OPRM1: variants seen among roughly 807,000 people sequenced by gnomAD.
OPRM1 encodes opioid receptor mu 1, also known as mu-type opioid receptor.
A neutral mutation model predicts 31.8 loss-of-function variants in OPRM1; 27 were observed. The ratio of observed to expected loss-of-function variants is 0.85; its 90% CI spans 0.63 to 1.17. The LOEUF is 1.17. OPRM1 is among the 50% of genes most tolerant of loss of function. The pLI is 0.00. For synonymous variants in OPRM1, 196 were observed against 189.9 expected, an observed-to-expected ratio of 1.03 and a Z score of -0.26; for missense variants, 536 against 511.1, an observed-to-expected ratio of 1.05 and a Z score of -0.47.
At chr6:154,012,392 A>G (rs534270868) in intron 1 of OPRM1, among the ~76,000 whole-genome samples, 2 of 152,206 alleles carry the variant, frequency 1.3e-5, no homozygotes, top group East Asian at 3.9e-4. Context: ...TTCCTTTAAG[A>G]TCTATTGGGC....
chr6:154,010,903 C>A, exon 1 of OPRM1: 1 of 1,315,494 alleles, frequency 7.6e-7, no homozygotes, highest in Non-Finnish European at 9.9e-7. Flanking sequence ...GAAGGACCAG[C>A]CCTTACATCC....
intron 1 of OPRM1, among the ~76,000 whole-genome samples, chr6:154,085,175 G>A (rs894034680): frequency 6.6e-6 from 1 of 152,220 alleles, no homozygotes; most frequent in South Asian, 2.1e-4. Context: ...GGAGAAATGT[G>A]TGAAGAATAG....
chr6:154,211,737 A>G (rs1000053465), intron 3 of OPRM1, among the ~76,000 whole-genome samples: 1 of 152,240 alleles, frequency 6.6e-6, no homozygotes, highest in Non-Finnish European at 1.5e-5. Flanking sequence ...TTCACTTTTA[A>G]TAGGTTGGTG....
At chr6:154,150,986 C>G (rs565521814) in intron 3 of OPRM1, among the ~76,000 whole-genome samples, 1 of 152,362 alleles carries the variant, frequency 6.6e-6, no homozygotes, top group African/African-American at 2.4e-5. Flanking sequence ...CTTTCCCCCA[C>G]GCCTGTCAAA....
chr6:154,178,074 G>C (rs1414851663), intron 3 of OPRM1, among the ~76,000 whole-genome samples: 3 of 151,198 alleles, frequency 2.0e-5, no homozygotes, highest in Non-Finnish European at 4.4e-5. Flanking sequence ...TCACTCATAA[G>C]TGGGAGTTGA....
intron 3 of OPRM1, among the ~76,000 whole-genome samples, chr6:154,170,164 G>A (rs892409441): frequency 3.9e-4 from 59 of 152,242 alleles, no homozygotes; most frequent in African/African-American, 1.3e-3. Context: ...CACTAAGAAC[G>A]TTAGTCTATT....
In OPRM1 at chr6:154,091,028, C is replaced by T; in HGVS notation, c.720C>T (p.Ile240=). The T allele has an allele frequency of 6.2e-7, 1 of 1,614,174 alleles. No individual in the cohort carries two copies. Among genetic ancestry groups the T allele is most frequent in the East Asian group, 2.2e-5 (1 of 44,886 alleles). The part of the protein sequence containing the change: ...WENLLKICVF[I]FAFIMPVLII... ...ACCTGCTGAAGATCTGTGTTTTCATCTTCGCCTTCATTATGCCAGTGCTCA... is the reference window on the plus strand; with the variant it reads ...ACCTGCTGAAGATCTGTGTTTTCATTTTCGCCTTCATTATGCCAGTGCTCA... Residue 240 remains isoleucine (I), a synonymous_variant, in exon 3 of 4, where the codon ATC becomes ATT. Coordinates refer to ENST00000330432, the MANE Select transcript of OPRM1 (RefSeq NM_000914.5).
intron 1 of OPRM1, among the ~76,000 whole-genome samples, chr6:154,057,443 C>T (rs1433935796): frequency 6.6e-6 from 1 of 152,140 alleles, no homozygotes; most frequent in Non-Finnish European, 1.5e-5. Flanking sequence ...ACACTGTTCT[C>T]AAGGTTTATT....
intron 1 of OPRM1, among the ~76,000 whole-genome samples, chr6:154,021,976 A>T (rs1421378199): frequency 6.6e-6 from 1 of 152,080 alleles, no homozygotes; most frequent in Non-Finnish European, 1.5e-5. Flanking sequence ...GTCTTATTGC[A>T]TTAGCTAGGA....
chr6:154,230,124 T>C (rs918620707), intron 3 of OPRM1, among the ~76,000 whole-genome samples: 6 of 152,186 alleles, frequency 3.9e-5, no homozygotes, highest in Non-Finnish European at 8.8e-5. Context: ...TATTTAAAAC[T>C]GATTTATTAT....
At chr6:154,152,376 G>GAA (rs1798556546) in intron 3 of OPRM1, among the ~76,000 whole-genome samples, 2 of 149,858 alleles carry the variant, frequency 1.3e-5, no homozygotes, top group African/African-American at 5.0e-5. Flanking sequence ...AAGAAAGAAA[G>GAA]AAAGAAAGAA....
chr6:154,011,542 T>C (rs1210571120), intron 1 of OPRM1, among the ~76,000 whole-genome samples: 5 of 152,208 alleles, frequency 3.3e-5, no homozygotes, highest in South Asian at 4.1e-4. Context: ...TTCAACACAA[T>C]GCTCATACAA....
intron 1 of OPRM1, among the ~76,000 whole-genome samples, chr6:154,015,351 C>A (rs553311091): frequency 6.6e-6 from 1 of 151,956 alleles, no homozygotes; most frequent in Non-Finnish European, 1.5e-5. Context: ...GTTACATATA[C>A]ATACATACAT....
Position 154,130,991 on chromosome 6 carries a change from TA to T in OPRM1, c.*12276del, listed in dbSNP as rs1453766619. Among the ~76,000 whole-genome samples the T allele has an allele frequency of 6.6e-6, 1 of 152,054 alleles. No homozygotes were observed. The highest frequency in any genetic ancestry group is 1.9e-4 in the East Asian group (1 of 5,196). On this transcript the variant is annotated 3_prime_UTR_variant, in exon 4 of 4. Transcript: ENST00000330432. ...AAACCTTGTAAGTGCAGATTTATTT[TA>T]AAAAATTGAAAAACTACTCTGTCAA...
At chr6:154,101,012 G>T (rs554039171) in intron 3 of OPRM1, among the ~76,000 whole-genome samples, 12 of 150,672 alleles carry the variant, frequency 8.0e-5, no homozygotes, top group Non-Finnish European at 1.3e-4. Flanking sequence ...AAAAGTAAAT[G>T]ATTTATTATG....
At chr6:154,087,387 G>A (rs886648532) in intron 1 of OPRM1, 20 of 985,434 alleles carry the variant, frequency 2.0e-5, no homozygotes, top group Non-Finnish European at 2.4e-5. Context: ...ACTCAACCTC[G>A]TGTGACGGAA....
Position 154,121,771 on chromosome 6 carries a change from C to T in OPRM1, c.*3050C>T, listed in dbSNP as rs1411474221. On this transcript the variant is annotated 3_prime_UTR_variant, in exon 4 of 4. Coordinates refer to ENST00000330432, the MANE Select transcript of OPRM1 (RefSeq NM_000914.5). Reference sequence around the variant, plus strand: ...GTAAGATACAAAGAAAACACCTCTGCAAAGATTCCGACCACATTTATCAAA... The same window carrying T: ...GTAAGATACAAAGAAAACACCTCTGTAAAGATTCCGACCACATTTATCAAA... Among the ~76,000 whole-genome samples, 1 of 152,128 alleles carries T rather than the reference C, an allele frequency of 6.6e-6. No individual in the cohort carries two copies. The highest frequency in any genetic ancestry group is 1.5e-5 in the Non-Finnish European group (1 of 68,006).
chr6:154,209,733 C>T (rs1384804012), intron 3 of OPRM1, among the ~76,000 whole-genome samples: 1 of 151,710 alleles, frequency 6.6e-6, no homozygotes, highest in East Asian at 1.9e-4. Context: ...AAGTGCCTTC[C>T]ATGTCTGTTT....
At chr6:154,013,342 G>T (rs573606948) in intron 1 of OPRM1, among the ~76,000 whole-genome samples, 2 of 152,130 alleles carry the variant, frequency 1.3e-5, no homozygotes, top group African/African-American at 4.8e-5. Flanking sequence ...TTTTATATTC[G>T]CCTGTGAGAG....
Sources: allele counts gnomAD v4.1 joint callset (sites outside exome capture counted in the v4.1 genomes callset), GRCh38; gene constraint gnomAD v4.1.1; transcripts MANE v1.5; gene names NCBI Gene and HGNC (gene_info 2026-07-23, HGNC 2026-07-21).